KCNIP1: variants seen among roughly 807,000 people sequenced by gnomAD.
KCNIP1 encodes A-type potassium channel modulatory protein KCNIP1.
Under a neutral mutation model 33.0 loss-of-function variants are expected in KCNIP1, and 18 were observed. The observed-to-expected ratio is 0.55, with a 90% CI of 0.38 to 0.81. The LOEUF is 0.81. Ranked by LOEUF, KCNIP1 falls within the 30% of genes least tolerant of loss-of-function variation. The pLI is 0.00. For missense variants in KCNIP1, 238 were observed against 271.6 expected (o/e 0.88, Z 0.87); for synonymous variants, 93 against 98.3 (o/e 0.95, Z 0.32).
chr5:170,419,122 G>A (rs1755411385), intron 1 of KCNIP1, among the ~76,000 whole-genome samples: 2 of 152,362 alleles, frequency 1.3e-5, no homozygotes, highest in South Asian at 4.1e-4. Flanking sequence ...TTGTCCAGGT[G>A]AATGGAAGAA....
At chr5:170,360,147 A>G (rs1763464622) in intron 1 of KCNIP1, among the ~76,000 whole-genome samples, 1 of 152,066 alleles carries the variant, frequency 6.6e-6, no homozygotes, top group South Asian at 2.1e-4. Context: ...TGCCACAGGG[A>G]CCCTCATCTT....
intron 1 of KCNIP1, among the ~76,000 whole-genome samples, chr5:170,496,011 C>A (rs900603745): frequency 6.6e-6 from 1 of 152,190 alleles, no homozygotes; most frequent in Non-Finnish European, 1.5e-5. Context: ...GCGGGCCGTG[C>A]AGGGTCAGGG....
intron 1 of KCNIP1, among the ~76,000 whole-genome samples, chr5:170,623,089 G>A (rs914054221): frequency 3.3e-5 from 5 of 152,358 alleles, no homozygotes; most frequent in African/African-American, 9.6e-5. Flanking sequence ...CTAATGCGGC[G>A]GCTGATCTGA....
chr5:170,516,964 G>T (rs1375969553), intron 1 of KCNIP1, among the ~76,000 whole-genome samples: 2 of 152,172 alleles, frequency 1.3e-5, no homozygotes, highest in Non-Finnish European at 2.9e-5. Context: ...TGGTGATGAT[G>T]TTTGTGATGG....
intron 1 of KCNIP1, among the ~76,000 whole-genome samples, chr5:170,487,942 G>C (rs1757132330): frequency 6.6e-6 from 1 of 152,086 alleles, no homozygotes; most frequent in Admixed American, 6.5e-5. Flanking sequence ...GCCTCCCTTT[G>C]ACTGCCTCAT....
intron 1 of KCNIP1, among the ~76,000 whole-genome samples, chr5:170,679,607 A>AAT (rs1384215321): frequency 1.4e-5 from 2 of 147,240 alleles, no homozygotes; most frequent in Non-Finnish European, 3.0e-5. Flanking sequence ...TCCTTTTGGA[A>AAT]ATATTTTATG....
intron 1 of KCNIP1, among the ~76,000 whole-genome samples, chr5:170,463,397 T>C (rs540724332): frequency 6.6e-6 from 1 of 152,266 alleles, no homozygotes; most frequent in South Asian, 2.1e-4. Flanking sequence ...CCAATACTGC[T>C]TATGAATATA....
intron 1 of KCNIP1, among the ~76,000 whole-genome samples, chr5:170,523,707 G>A (rs1040094945): frequency 5.9e-5 from 9 of 152,150 alleles, no homozygotes; most frequent in African/African-American, 1.2e-4. Flanking sequence ...ACATATATGC[G>A]GATGACACCA....
At chr5:170,447,168 C>T (rs1756138644) in intron 1 of KCNIP1, among the ~76,000 whole-genome samples, 1 of 152,148 alleles carries the variant, frequency 6.6e-6, no homozygotes, top group Non-Finnish European at 1.5e-5. Context: ...TCTTGTACAT[C>T]TGCTGTATGC....
intron 1 of KCNIP1, among the ~76,000 whole-genome samples, chr5:170,526,049 C>T (rs540897451): frequency 5.9e-5 from 9 of 152,352 alleles, no homozygotes; most frequent in Admixed American, 1.3e-4. Flanking sequence ...AGCTCAGTCA[C>T]TGAGCCTCAC....
intron 1 of KCNIP1, chr5:170,375,134 A>G (rs1763952780): frequency 6.6e-6 from 1 of 152,212 alleles, no homozygotes; most frequent in Non-Finnish European, 1.5e-5. Flanking sequence ...TTTTTGAGAT[A>G]ATTGTAGATT....
At chr5:170,372,269 A>G (rs1428727528) in intron 1 of KCNIP1, among the ~76,000 whole-genome samples, 3 of 152,210 alleles carry the variant, frequency 2.0e-5, no homozygotes, top group Non-Finnish European at 4.4e-5. Flanking sequence ...AGAGACACAC[A>G]GGGCAAGGTA....
chr5:170,628,747 C>T (rs1233669578), intron 1 of KCNIP1, among the ~76,000 whole-genome samples: 2 of 152,218 alleles, frequency 1.3e-5, no homozygotes, highest in South Asian at 2.1e-4. Context: ...TGACACACAA[C>T]GCTGCAGTGC....
At chr5:170,397,857 G>A (rs1331003910) in intron 1 of KCNIP1, among the ~76,000 whole-genome samples, 1 of 152,206 alleles carries the variant, frequency 6.6e-6, no homozygotes, top group Admixed American at 6.5e-5. Context: ...AGATGGCTTG[G>A]TTCAGTCCAG....
chr5:170,526,107 G>A (rs967384586), intron 1 of KCNIP1, among the ~76,000 whole-genome samples: 1 of 152,214 alleles, frequency 6.6e-6, no homozygotes, highest in Non-Finnish European at 1.5e-5. Context: ...ACTTTCGCCT[G>A]TGGCTGGGAT....
At chr5:170,389,081 C>T (rs1449826429) in intron 1 of KCNIP1, among the ~76,000 whole-genome samples, 2 of 152,178 alleles carry the variant, frequency 1.3e-5, no homozygotes, top group African/African-American at 4.8e-5. Context: ...GCCACTGTGC[C>T]ACCCTCCCCA....
At chr5:170,424,464 G>T (rs919377687) in intron 1 of KCNIP1, among the ~76,000 whole-genome samples, 2 of 152,088 alleles carry the variant, frequency 1.3e-5, no homozygotes, top group African/African-American at 2.4e-5. Context: ...AGAACAAAGG[G>T]TGCATCCCAC....
chr5:170,639,031 C>A lies in KCNIP1; in HGVS notation c.62-79727C>A, dbSNP rs931805. The A allele has an allele frequency of 2.6e-5, 4 of 152,358 alleles. 1 individual carries two copies. The highest frequency in any genetic ancestry group is 2.6e-4 in the Admixed American group (4 of 15,310). 9.4% of individuals were successfully genotyped at this position (152,358 alleles called of 1,614,324 possible). On this transcript the variant is annotated intron_variant, in intron 1 of 7. Coordinates refer to ENST00000328939, the MANE Select transcript of KCNIP1 (RefSeq NM_014592.4). ...AGCAAGGGTCCTCCGGGGCGGAACACCTCTGCCGCACCTGCAGCAGCCTTG... is the reference window on the plus strand; with the variant it reads ...AGCAAGGGTCCTCCGGGGCGGAACAACTCTGCCGCACCTGCAGCAGCCTTG...
At chr5:170,662,414 C>T (rs60140533) in intron 1 of KCNIP1, among the ~76,000 whole-genome samples, 4,403 of 152,254 alleles carry the variant, frequency 0.029, 218 homozygotes, top group African/African-American at 0.1. Context: ...TCCACCAAAG[C>T]ATCCATTTCT....
Sources: allele counts gnomAD v4.1 joint callset (sites outside exome capture counted in the v4.1 genomes callset), GRCh38; gene constraint gnomAD v4.1.1; transcripts MANE v1.5; gene names NCBI Gene and HGNC (gene_info 2026-07-23, HGNC 2026-07-21).